Variants in NOL8 observed in about 807,000 individuals in gnomAD.
NOL8 encodes the protein nucleolar protein Nop132.
Under a neutral mutation model 116.1 loss-of-function variants are expected in NOL8, and 93 were observed. The observed-to-expected ratio is 0.80, with a 90% CI of 0.68 to 0.95. NOL8 has a LOEUF of 0.95. NOL8 is among the 40% of genes least tolerant of loss of function. The pLI is 0.00. For synonymous variants in NOL8, 419 were observed against 469.0 expected (o/e 0.89, Z 1.38); for missense variants, 1,291 against 1,382.8 (o/e 0.93, Z 1.05).
intron 9 of NOL8, 135 bp from the exon 10 acceptor site, chr9:92,310,396 T>G (rs1291622435): frequency 8.6e-7 from 1 of 1,161,854 alleles, no homozygotes; most frequent in Non-Finnish European, 1.2e-6. Context: ...CATCTACTTA[T>G]GAACCAATCA....
At chr9:92,304,740 G>T (rs540960853) in intron 12 of NOL8, among the ~76,000 whole-genome samples, 1 of 152,236 alleles carries the variant, frequency 6.6e-6, no homozygotes, top group East Asian at 1.9e-4. Flanking sequence ...TTTCCCTAAT[G>T]TAATTATGTG....
Position 92,315,246 on chromosome 9 carries a change from T to G in NOL8, c.1379A>C (p.Asp460Ala). Residue 460 changes from aspartate to alanine, a missense_variant, in exon 7 of 17, where the codon GAT (aspartate) becomes GCT (alanine). Asp to Ala is a moderately radical substitution (Grantham distance 126). Coordinates refer to ENST00000442668, the MANE Select transcript of NOL8 (RefSeq NM_017948.6). ...PSHSSSSEDA[D>A]SASELADSEG... Reference sequence around the variant, plus strand: ...AGAGTCAGCTAATTCTGATGCAGAATCAGCATCTTCACTGCTACTGGAGTG... The same window carrying G: ...AGAGTCAGCTAATTCTGATGCAGAAGCAGCATCTTCACTGCTACTGGAGTG... 1 of 1,614,002 alleles carries G rather than the reference T, an allele frequency of 6.2e-7. No homozygotes were observed. The highest frequency in any genetic ancestry group is 8.5e-7 in the Non-Finnish European group (1 of 1,179,878).
intron 12 of NOL8, among the ~76,000 whole-genome samples, chr9:92,303,858 A>G (rs1447180517): frequency 1.3e-5 from 2 of 152,180 alleles, no homozygotes; most frequent in Non-Finnish European, 2.9e-5. Flanking sequence ...TAGGGCTTCT[A>G]TGGAGGTTAG....
chr9:92,323,365 G>T (rs1339323894), intron 3 of NOL8, 76 bp downstream of exon 3: 1 of 1,540,958 alleles, frequency 6.5e-7, no homozygotes, highest in African/African-American at 1.4e-5. Flanking sequence ...TGGAGGTTTA[G>T]ATTTAGAACC....
chr9:92,311,131 T>A lies in NOL8; in HGVS notation c.2472+15A>T. On this transcript the variant is annotated intron_variant, in intron 8 of 16. Transcript: ENST00000442668. ...AAGTAGATGAATGTCCACAGAGACA[T>A]CCTGAACTTCTTACTTTCACCCATT... 1 of 1,582,454 alleles carries A rather than the reference T, an allele frequency of 6.3e-7. No individual in the cohort carries two copies. The highest frequency in any genetic ancestry group is 1.1e-5 in the South Asian group (1 of 89,970).
chr9:92,315,949 C>T lies in NOL8; in HGVS notation c.676G>A (p.Asp226Asn), dbSNP rs745798856. ...GCCAGAGACCCAGTGGAACTCTCAT[C>T]CTTCTGCACTTTTATTATCTTCTTG... ...PPKKIIKVQK[D>N]ESSTGSLAMS... is the part of the protein sequence containing the mutation. Residue 226 changes from aspartate to asparagine, a missense_variant, in exon 7 of 17, where the codon GAT becomes AAT. Transcript: ENST00000442668. 3.7e-6 allele frequency: 6 copies of T among 1,613,944 alleles called. No homozygotes were observed. In the Admixed American group the frequency reaches 8.3e-5, roughly 22 times the overall value.
In NOL8 at chr9:92,324,078, G is replaced by A. The variant is rs768740092; in HGVS notation, c.84C>T (p.Phe28=). The part of the protein sequence containing the change: ...DISEADLQNQ[F]SRFGEVSDVE... ...CATCCGAAACTTCTCCAAATCTGCT[G>A]AACTGATTTTGTAGGTCTGCCTCAG... Residue 28 remains phenylalanine, a synonymous_variant, in exon 2 of 17, where the codon TTC becomes TTT. Transcript: ENST00000442668. 1 of 1,614,004 alleles carries A rather than the reference G, an allele frequency of 6.2e-7. No individual in the cohort carries two copies. Among genetic ancestry groups the A allele is most frequent in the Admixed American group, 1.7e-5 (1 of 60,030 alleles).
intron 6 of NOL8, 110 bp downstream of exon 6, chr9:92,318,508 A>G (rs764987962): frequency 1.3e-6 from 1 of 770,986 alleles, no homozygotes; most frequent in African/African-American, 1.8e-5. Context: ...AACTGGGAAC[A>G]CGCAAACAAA....
Position 92,308,522 on chromosome 9 carries a change from C to T in NOL8, c.2687-1498G>A, listed in dbSNP as rs891989447. ...AAGCCTGTGGAAAATATCCAACAGG[C>T]GTTTAAGACCAGTTGGGAGCTCAGC... On this transcript the variant is annotated intron_variant, in intron 10 of 16. Coordinates refer to ENST00000442668, the MANE Select transcript of NOL8 (RefSeq NM_017948.6). 2.6e-5 allele frequency among the ~76,000 whole-genome samples: 4 copies of T among 152,054 alleles called. No homozygotes were observed. In the East Asian group the frequency reaches 5.8e-4, roughly 22 times the overall value.
At chr9:92,298,479 A>AT (rs1299858719) in intron 15 of NOL8, 143 bp from the exon 16 acceptor site, 11 of 565,228 alleles carry the variant, frequency 1.9e-5, no homozygotes, top group Admixed American at 3.5e-5. Context: ...AAAAATTAGT[A>AT]TTTTTTCTTT....
At chr9:92,311,901 T>C (rs187878012) in intron 7 of NOL8, among the ~76,000 whole-genome samples, 140 of 152,254 alleles carry the variant, frequency 9.2e-4, no homozygotes, top group African/African-American at 3.2e-3. Flanking sequence ...CATGCACACA[T>C]ATGTTTATTG....
chr9:92,308,494 G>A (rs542825292), intron 10 of NOL8, among the ~76,000 whole-genome samples: 1 of 152,328 alleles, frequency 6.6e-6, no homozygotes, highest in South Asian at 2.1e-4. Context: ...CACAAACTCA[G>A]GAAAGCCTGT....
chr9:92,313,613 T>C (rs528826476), intron 7 of NOL8, among the ~76,000 whole-genome samples: 2 of 152,348 alleles, frequency 1.3e-5, no homozygotes, highest in South Asian at 4.1e-4. Context: ...GTATAAGTTT[T>C]AATTACACTG....
At chr9:92,321,480 G>A (rs1839918899) in intron 4 of NOL8, among the ~76,000 whole-genome samples, 188 bp downstream of exon 4, 1 of 152,162 alleles carries the variant, frequency 6.6e-6, no homozygotes, top group Admixed American at 6.5e-5. Flanking sequence ...ATACGTAAAT[G>A]CATGAAATTA....
intron 6 of NOL8, among the ~76,000 whole-genome samples, chr9:92,318,362 C>G (rs1483977939): frequency 6.6e-6 from 1 of 152,182 alleles, no homozygotes; most frequent in Non-Finnish European, 1.5e-5. Context: ...GGCTTTGAAT[C>G]CATGTATGAC....
chr9:92,318,510 G>A (rs1333241029), intron 6 of NOL8, 108 bp downstream of exon 6: 15 of 788,054 alleles, frequency 1.9e-5, no homozygotes, highest in South Asian at 6.8e-5. Flanking sequence ...CTGGGAACAC[G>A]CAAACAAACA....
intron 9 of NOL8, 86 bp downstream of exon 9, chr9:92,310,467 G>T: frequency 7.0e-7 from 1 of 1,426,768 alleles, no homozygotes; most frequent in South Asian, 1.3e-5. Context: ...TGTAGGTTAA[G>T]GTCTGCCTGC....
intron 12 of NOL8, among the ~76,000 whole-genome samples, chr9:92,302,132 A>G (rs1371669242): frequency 1.3e-5 from 2 of 152,210 alleles, no homozygotes; most frequent in Non-Finnish European, 2.9e-5. Flanking sequence ...GGTATAAGTA[A>G]GGAAATCACT....
At chr9:92,313,186 A>C (rs1197292558) in intron 7 of NOL8, among the ~76,000 whole-genome samples, 3 of 152,132 alleles carry the variant, frequency 2.0e-5, no homozygotes, top group African/African-American at 7.2e-5. Context: ...CCTATCAATT[A>C]AACTTTTTGG....
Sources: gnomAD v4.1 joint callset for allele counts (sites outside exome capture counted in the v4.1 genomes callset) on GRCh38, gnomAD v4.1.1 for gene constraint, MANE v1.5 for transcripts, NCBI Gene and HGNC (gene_info 2026-07-23, HGNC 2026-07-21) for gene names.